The following TCERG1L variants were observed in gnomAD, a reference collection of about 807,000 sequenced individuals.
TCERG1L encodes transcription elongation regulator 1 like.
TCERG1L carries 37 observed loss-of-function variants against 56.3 expected under a neutral mutation model. That is an observed-to-expected ratio of 0.66 (90% CI 0.51 to 0.87). TCERG1L has a LOEUF of 0.87. TCERG1L is among the 40% of genes least tolerant of loss of function. The pLI is 0.00. For missense variants in TCERG1L, 799 were observed against 774.2 expected, an observed-to-expected ratio of 1.03 and a Z score of -0.38; for synonymous variants, 324 against 326.3, an observed-to-expected ratio of 0.99 and a Z score of 0.08.
At chr10:131,195,550 G>A (rs1354377563) in intron 4 of TCERG1L, among the ~76,000 whole-genome samples, 3 of 152,294 alleles carry the variant, frequency 2.0e-5, no homozygotes, top group East Asian at 1.9e-4. Flanking sequence ...CCTGTACCCC[G>A]AGAGCTTTCT....
intron 2 of TCERG1L, 110 bp downstream of exon 2, chr10:131,309,043 G>A: frequency 7.9e-7 from 1 of 1,268,126 alleles, no homozygotes; most frequent in East Asian, 2.6e-5. Flanking sequence ...ATACCTAGAT[G>A]GCCAATTTAT....
chr10:131,115,528 T>TCGCGCCAGGGCCAGCTCCACA (rs1845450972), intron 9 of TCERG1L, among the ~76,000 whole-genome samples: 1 of 152,270 alleles, frequency 6.6e-6, no homozygotes, highest in African/African-American at 2.4e-5. Flanking sequence ...CGCGTCCACG[T>TCGCGCCAGGGCCAGCTCCACA]CGCGCTCTGT....
chr10:131,299,997 T>C (rs1846743267), intron 3 of TCERG1L, among the ~76,000 whole-genome samples: 2 of 152,180 alleles, frequency 1.3e-5, no homozygotes, highest in Admixed American at 1.3e-4. Context: ...TTCTTTTGTG[T>C]AGAGGTAACT....
At chr10:131,258,290 C>T (rs1200550172) in intron 4 of TCERG1L, among the ~76,000 whole-genome samples, 3 of 152,256 alleles carry the variant, frequency 2.0e-5, no homozygotes, top group Non-Finnish European at 2.9e-5. Context: ...GATAGGCCAG[C>T]TCTCTATCCC....
At chr10:131,299,486 T>A (rs1846735528) in intron 3 of TCERG1L, among the ~76,000 whole-genome samples, 1 of 142,884 alleles carries the variant, frequency 7.0e-6, no homozygotes, top group African/African-American at 2.6e-5. Context: ...CTGTTTTATA[T>A]CTTTTGAAGA....
rs549056110 is a variant in TCERG1L, at chr10:131,103,041, G to A, written c.1485+1224C>T. Among the ~76,000 whole-genome samples the A allele has an allele frequency of 2.0e-5, 3 of 151,846 alleles. No homozygotes were observed. Among genetic ancestry groups the A allele is most frequent in the Non-Finnish European group, 4.4e-5 (3 of 67,998 alleles). ...ATCAATTCCGTGTTTTCTGGGTGGCGTTTTGTAGAACTCCACCCTTCACTG... is the reference window on the plus strand; with the variant it reads ...ATCAATTCCGTGTTTTCTGGGTGGCATTTTGTAGAACTCCACCCTTCACTG... On this transcript the variant is annotated intron_variant, in intron 10 of 11. Transcript: ENST00000368642. The surrounding 1 kb of genome is among the most constrained non-coding windows in gnomAD (Gnocchi z 4.3).
chr10:131,202,665 C>T (rs184376284), intron 4 of TCERG1L, among the ~76,000 whole-genome samples: 9 of 152,232 alleles, frequency 5.9e-5, no homozygotes, highest in Admixed American at 3.3e-4. Flanking sequence ...AAAACAGTAA[C>T]GTAGCGGAAT....
chr10:131,251,156 AGGTGTC>A (rs1466393660), intron 4 of TCERG1L, among the ~76,000 whole-genome samples: 1 of 152,160 alleles, frequency 6.6e-6, no homozygotes, highest in Non-Finnish European at 1.5e-5. Flanking sequence ...ATGACAGCAG[AGGTGTC>A]AGATTCCACA....
intron 4 of TCERG1L, among the ~76,000 whole-genome samples, chr10:131,206,081 G>A (rs1392308280): frequency 6.6e-6 from 1 of 152,238 alleles, no homozygotes; most frequent in East Asian, 1.9e-4. Context: ...CTGCAGACAC[G>A]AAGCCCTCAG....
intron 4 of TCERG1L, among the ~76,000 whole-genome samples, chr10:131,210,363 G>A (rs1845603806): frequency 6.6e-6 from 1 of 152,114 alleles, no homozygotes; most frequent in African/African-American, 2.4e-5. Flanking sequence ...GGCCATCCTT[G>A]GCAGGAACTA....
intron 3 of TCERG1L, among the ~76,000 whole-genome samples, chr10:131,276,001 C>T (rs1404086666): frequency 1.3e-5 from 2 of 152,222 alleles, no homozygotes; most frequent in African/African-American, 4.8e-5. Flanking sequence ...ACCACACACA[C>T]AGAAACTCCT....
At position 131,103,686 on chromosome 10, in the gene TCERG1L, G is replaced by T. The variant is rs534369280; in HGVS notation, c.1485+579C>A. On this transcript the variant is annotated intron_variant, in intron 10 of 11. Transcript: ENST00000368642. The surrounding 1 kb of genome is among the most constrained non-coding windows in gnomAD (Gnocchi z 4.3). ...AGCCTGGGCAACAGAGTCAGATCCT[G>T]TCTAAAATAAAATGAAATAAAATAA... Among the ~76,000 whole-genome samples the T allele has an allele frequency of 6.6e-6, 1 of 152,276 alleles. No individual in the cohort carries two copies. The highest frequency in any genetic ancestry group is 6.5e-5 in the Admixed American group (1 of 15,292).
At chr10:131,266,372 T>C (rs1207429688) in intron 3 of TCERG1L, among the ~76,000 whole-genome samples, 2 of 152,338 alleles carry the variant, frequency 1.3e-5, no homozygotes, top group East Asian at 1.9e-4. Flanking sequence ...GAATTATGAA[T>C]GTTCACGGCT....
At chr10:131,121,412 C>T (rs1589720858) in intron 8 of TCERG1L, among the ~76,000 whole-genome samples, 1 of 152,226 alleles carries the variant, frequency 6.6e-6, no homozygotes, top group Non-Finnish European at 1.5e-5. Flanking sequence ...AAATGCCTCG[C>T]AATACCGCAA....
intron 3 of TCERG1L, among the ~76,000 whole-genome samples, chr10:131,297,756 T>C (rs1317113573): frequency 6.6e-6 from 1 of 152,232 alleles, no homozygotes; most frequent in Non-Finnish European, 1.5e-5. Flanking sequence ...TTTTATCAGA[T>C]ACAGAGTTAT....
intron 4 of TCERG1L, among the ~76,000 whole-genome samples, chr10:131,199,438 C>T (rs772595930): frequency 6.6e-5 from 10 of 152,188 alleles, no homozygotes; most frequent in South Asian, 2.1e-4. Context: ...GTTCACTGCT[C>T]GCAAAGCTCT....
chr10:131,219,811 T>C (rs1296120964), intron 4 of TCERG1L, among the ~76,000 whole-genome samples: 2 of 152,134 alleles, frequency 1.3e-5, no homozygotes, highest in African/African-American at 4.8e-5. Flanking sequence ...ACAACAGTGT[T>C]AACTAAGGGA....
intron 7 of TCERG1L, among the ~76,000 whole-genome samples, chr10:131,141,932 T>C (rs1445363485): frequency 6.6e-6 from 1 of 151,906 alleles, no homozygotes; most frequent in Admixed American, 6.6e-5. Flanking sequence ...ACATCCCAGC[T>C]CACCCCTTCC....
chr10:131,228,301 C>G (rs1234354520), intron 4 of TCERG1L, among the ~76,000 whole-genome samples: 1 of 64,800 alleles, frequency 1.5e-5, no homozygotes, highest in African/African-American at 6.5e-5. Flanking sequence ...GGCATTTCCT[C>G]AAGGCCTCCG....
Sources: gnomAD v4.1 joint callset for allele counts (sites outside exome capture counted in the v4.1 genomes callset) on GRCh38, gnomAD v4.1.1 for gene constraint, Gnocchi (gnomAD v3.1) non-coding constraint, MANE v1.5 for transcripts, NCBI Gene and HGNC (gene_info 2026-07-23, HGNC 2026-07-21) for gene names.